Variants in KIF14 observed in about 807,000 individuals in gnomAD.
The protein encoded by KIF14 is kinesin family member 14.
In KIF14, 98 loss-of-function variants were observed where a neutral mutation model predicts 176.2. The ratio of observed to expected loss-of-function variants is 0.56; its 90% CI spans 0.47 to 0.66. The LOEUF (loss-of-function observed/expected upper bound fraction) is 0.66. Ranked by LOEUF, KIF14 falls within the 30% of genes least tolerant of loss-of-function variation. The pLI is 0.00. For synonymous variants in KIF14, 566 were observed against 632.2 expected, an observed-to-expected ratio of 0.90 and a Z score of 1.57; for missense variants, 1,751 against 1,920.4, an observed-to-expected ratio of 0.91 and a Z score of 1.65.
At chr1:200,611,914 T>A (rs1360226135) in intron 4 of KIF14, among the ~76,000 whole-genome samples, 1 of 152,212 alleles carries the variant, frequency 6.6e-6, no homozygotes, top group Non-Finnish European at 1.5e-5. Flanking sequence ...CAGAAAGACA[T>A]TAAGTAAATT....
chr1:200,604,007 A>G (rs113274339), intron 8 of KIF14, 52 bp from the exon 9 acceptor site: 1 of 1,107,146 alleles, frequency 9.0e-7, no homozygotes, highest in Non-Finnish European at 1.4e-6. Flanking sequence ...TCCAATCAAT[A>G]TAGGTTTTTT....
intron 4 of KIF14, among the ~76,000 whole-genome samples, chr1:200,613,053 A>C (rs570309276): frequency 1.3e-5 from 2 of 151,824 alleles, no homozygotes; most frequent in East Asian, 3.9e-4. Flanking sequence ...ACACCTGGCT[A>C]ATTTTTGTAT....
At position 200,603,302 on chromosome 1, in the gene KIF14, T is replaced by A; in HGVS notation, c.1903A>T (p.Lys635Ter). Residue 635 changes from lysine (K) to a stop codon, truncating the protein, a stop_gained, in exon 10 of 30, where the codon AAA becomes TAA. Coordinates refer to ENST00000367350, the MANE Select transcript of KIF14 (RefSeq NM_014875.3). LOFTEE classifies it high-confidence loss of function. ...TGTTCCGAAAGTGCAGATATAACTT[T>A]TCCCAAAGTTAGCAAGGACTTATTA... is the stretch of plus-strand genomic sequence containing the variant. ...SINKSLLTLG[K>*]VISALSEQAN... is the part of the protein sequence containing the mutation. 1 of 1,609,572 alleles carries A rather than the reference T, an allele frequency of 6.2e-7. No individual in the cohort carries two copies. The highest frequency in any genetic ancestry group is 2.2e-5 in the East Asian group (1 of 44,780).
chr1:200,614,818 A>G (rs981883806), intron 3 of KIF14, among the ~76,000 whole-genome samples: 6 of 124,606 alleles, frequency 4.8e-5, no homozygotes, highest in Non-Finnish European at 8.9e-5. Flanking sequence ...AAAAAAAAAA[A>G]GAACTCAAAT....
At chr1:200,573,362 A>G (rs1217649975) in intron 22 of KIF14, among the ~76,000 whole-genome samples, 1 of 149,422 alleles carries the variant, frequency 6.7e-6, no homozygotes, top group East Asian at 2.0e-4. Flanking sequence ...AGACTTTGTG[A>G]CCTTTTTGCT....
intron 22 of KIF14, among the ~76,000 whole-genome samples, chr1:200,571,902 T>TA (rs1657810313): frequency 6.6e-6 from 1 of 152,228 alleles, no homozygotes; most frequent in Non-Finnish European, 1.5e-5. Context: ...AAAGAGTTTT[T>TA]ACTTAACCTC....
intron 25 of KIF14, among the ~76,000 whole-genome samples, chr1:200,562,082 C>A (rs139948489): frequency 1.3e-5 from 2 of 152,166 alleles, no homozygotes; most frequent in African/African-American, 4.8e-5. Flanking sequence ...TTTCTCCTGG[C>A]CTGCTTTGGG....
intron 27 of KIF14, among the ~76,000 whole-genome samples, chr1:200,557,010 T>C (rs1656868713): frequency 6.6e-6 from 1 of 151,106 alleles, no homozygotes; most frequent in South Asian, 2.1e-4. Context: ...TATTTATTTA[T>C]TTATTTATTT....
chr1:200,606,033 T>A (rs1659864443), intron 6 of KIF14, 139 bp from the exon 7 acceptor site: 2 of 448,400 alleles, frequency 4.5e-6, no homozygotes, highest in Non-Finnish European at 8.1e-6. Flanking sequence ...TTATTGATTC[T>A]CCCAGAATCT....
At chr1:200,575,532 C>T in intron 22 of KIF14, 59 bp downstream of exon 22, 1 of 837,536 alleles carries the variant, frequency 1.2e-6, no homozygotes. Flanking sequence ...TACACACACA[C>T]ACACACACAC....
At chr1:200,584,986 G>A (rs1229275442) in intron 19 of KIF14, among the ~76,000 whole-genome samples, 1 of 152,092 alleles carries the variant, frequency 6.6e-6, no homozygotes, top group Non-Finnish European at 1.5e-5. Flanking sequence ...GCCAGACATA[G>A]AAAGATAAAT....
At chr1:200,608,650 A>G (rs1374749331) in intron 5 of KIF14, among the ~76,000 whole-genome samples, 180 bp downstream of exon 5, 1 of 152,158 alleles carries the variant, frequency 6.6e-6, no homozygotes, top group Non-Finnish European at 1.5e-5. Context: ...GGAGTGAGCC[A>G]CCATGCCCGG....
Position 200,575,611 on chromosome 1 carries a change from A to G in KIF14, c.3546T>C (p.Val1182=), listed in dbSNP as rs138098895. The G allele has an allele frequency of 7.6e-6, 12 of 1,583,028 alleles. No homozygotes were observed. The highest frequency in any genetic ancestry group is 1.7e-4 in the Middle Eastern group (1 of 5,946). ...EWEPDITDAP[V]SSLSRRRSRS... ...TTTACCTCCTTCTAGAAAGTGAAGA[A>G]ACTGGTGCATCTGTAATGTCGGGTT... The change falls in exon 22 of 30, where the codon GTT becomes GTC. Residue 1182 remains valine (V), a synonymous_variant. Transcript: ENST00000367350.
chr1:200,597,518 T>G (rs1166130198), intron 14 of KIF14, among the ~76,000 whole-genome samples: 1 of 152,226 alleles, frequency 6.6e-6, no homozygotes, highest in African/African-American at 2.4e-5. Context: ...GATATACTAT[T>G]TAGTGTTCAT....
rs147791047 is a variant in KIF14, at chr1:200,598,756, G to A, written c.2365-335C>T. Among the ~76,000 whole-genome samples, 856 of 151,884 alleles carry A rather than the reference G, an allele frequency of 5.6e-3. 8 individuals carry two copies. Among genetic ancestry groups the A allele is most frequent in the African/African-American group, 0.013 (555 of 41,408 alleles). ...GTATTTTTAGTAGAGATAGGGTTTC[G>A]TCATGTTGATCAGGCTGGTCTCGAA... On this transcript the variant is annotated intron_variant, in intron 13 of 29. Transcript: ENST00000367350.
intron 23 of KIF14, among the ~76,000 whole-genome samples, chr1:200,567,780 T>C (rs1657550456): frequency 6.6e-6 from 1 of 150,376 alleles, no homozygotes; most frequent in Non-Finnish European, 1.5e-5. Context: ...TAAAAGGAGG[T>C]AGAATAAAGG....
rs1416770649 is a variant in KIF14, at chr1:200,559,451, T to A, written c.4232A>T (p.Glu1411Val). The A allele has an allele frequency of 3.4e-6, 5 of 1,479,104 alleles. No homozygotes were observed. The South Asian group carries it at 6.1e-5, about 18-fold the overall frequency. 91.6% of individuals were successfully genotyped at this position (1,479,104 alleles called of 1,614,324 possible). A position where few individuals can be genotyped will look rare whatever the true frequency, so the allele number is the denominator to read the frequency against. ...NGNNKAASVQ[E>V]EFMDAVCDGV... Reference sequence around the variant, plus strand: ...ATCACAAACAGCATCCATGAATTCCTCCTAGAAAAAGAATTTAAGCATTAA... The same window carrying A: ...ATCACAAACAGCATCCATGAATTCCACCTAGAAAAAGAATTTAAGCATTAA... The change falls in exon 27 of 30, where the codon GAG becomes GTG. Residue 1411 changes from glutamate (E) to valine (V), a missense_variant and splice_region_variant. By Grantham distance (121) the Glu-to-Val change is moderately radical. Coordinates refer to ENST00000367350, the MANE Select transcript of KIF14 (RefSeq NM_014875.3).
rs60386347 is a variant in KIF14, at chr1:200,596,561, C to CTTTTT, written c.2549+1671_2549+1675dup. ...CTCTATGACCTCAATGTACAACAGT[C>CTTTTT]TTTTTTTTTTTTTTTTTTTTTGAGT... On this transcript the variant is annotated intron_variant, in intron 14 of 29. Coordinates refer to ENST00000367350, the MANE Select transcript of KIF14 (RefSeq NM_014875.3). Among the ~76,000 whole-genome samples, 28 of 102,726 alleles carry CTTTTT rather than the reference C, an allele frequency of 2.7e-4. 1 individual carries two copies. Among genetic ancestry groups the CTTTTT allele is most frequent in the East Asian group, 6.1e-4 (2 of 3,262 alleles). The allele number at this position is 102,726 out of a possible 152,430, so 67.4% of individuals were successfully genotyped here. A position where few individuals can be genotyped will look rare whatever the true frequency, so the allele number is the denominator to read the frequency against.
chr1:200,586,751 G>C (rs1397582426), intron 18 of KIF14, among the ~76,000 whole-genome samples: 1 of 145,516 alleles, frequency 6.9e-6, no homozygotes, highest in East Asian at 2.0e-4. Context: ...ATCAACCAAT[G>C]AATGGATAAA....
Sources: gnomAD v4.1 joint callset for allele counts (sites outside exome capture counted in the v4.1 genomes callset) on GRCh38, gnomAD v4.1.1 for gene constraint, MANE v1.5 for transcripts, NCBI Gene and HGNC (gene_info 2026-07-23, HGNC 2026-07-21) for gene names.